MTUS2: variants seen among roughly 807,000 people sequenced by gnomAD.
MTUS2 encodes microtubule-associated tumor suppressor candidate 2.
In MTUS2, 40 loss-of-function variants were observed where a neutral mutation model predicts 114.1. The ratio of observed to expected loss-of-function variants is 0.35; its 90% CI spans 0.27 to 0.46. The LOEUF (loss-of-function observed/expected upper bound fraction) is 0.46. MTUS2 is among the 20% of genes least tolerant of loss of function. The pLI is 1.00. For synonymous variants in MTUS2, 688 were observed against 672.0 expected, an observed-to-expected ratio of 1.02 and a Z score of -0.37; for missense variants, 1,679 against 1,705.4, an observed-to-expected ratio of 0.98 and a Z score of 0.27.
At chr13:29,449,295 GCA>G (rs1878517024) in intron 9 of MTUS2, among the ~76,000 whole-genome samples, 1 of 4,038 alleles carries the variant, frequency 2.5e-4, no homozygotes, top group Non-Finnish European at 0.01. Flanking sequence ...TTATTAACTA[GCA>G]TGCATTTTTC....
chr13:29,200,596 C>G (rs889673272), intron 5 of MTUS2, among the ~76,000 whole-genome samples: 1 of 138,370 alleles, frequency 7.2e-6, no homozygotes, highest in Non-Finnish European at 1.5e-5. Context: ...TCTCAGCTCA[C>G]TGCACCCTCC....
intron 2 of MTUS2, among the ~76,000 whole-genome samples, chr13:28,851,767 G>A (rs997895907): frequency 2.1e-4 from 13 of 60,694 alleles, no homozygotes; most frequent in Non-Finnish European, 5.1e-4. Context: ...GTCAGTTTCC[G>A]CCCCGGCCCT....
At chr13:28,829,662 T>C (rs1001223256) in intron 1 of MTUS2, among the ~76,000 whole-genome samples, 3 of 152,324 alleles carry the variant, frequency 2.0e-5, no homozygotes, top group Non-Finnish European at 4.4e-5. Flanking sequence ...CTTAAAAAAC[T>C]CCATTCTCAA....
At chr13:29,205,301 C>T (rs376477014) in intron 5 of MTUS2, among the ~76,000 whole-genome samples, 72 of 152,310 alleles carry the variant, frequency 4.7e-4, no homozygotes, top group African/African-American at 1.6e-3. Context: ...TTAGCACAGG[C>T]AATGTTGATT....
chr13:29,030,403 C>G (rs539638619), intron 3 of MTUS2, among the ~76,000 whole-genome samples: 1 of 152,202 alleles, frequency 6.6e-6, no homozygotes, highest in Non-Finnish European at 1.5e-5. Flanking sequence ...GTTTCCCTCC[C>G]TGTATCTGGG....
chr13:29,116,140 A>G (rs1480590246), intron 5 of MTUS2, among the ~76,000 whole-genome samples: 1 of 152,174 alleles, frequency 6.6e-6, no homozygotes, highest in Non-Finnish European at 1.5e-5. Context: ...CATGTTCTCT[A>G]TTGTGCTAGG....
chr13:29,458,833 A>G (rs1879290929), intron 9 of MTUS2, among the ~76,000 whole-genome samples: 1 of 152,198 alleles, frequency 6.6e-6, no homozygotes, highest in Non-Finnish European at 1.5e-5. Context: ...AAACCCCCAA[A>G]CATAATGAAA....
intron 6 of MTUS2, among the ~76,000 whole-genome samples, chr13:29,321,061 G>C (rs1283027820): frequency 1.3e-5 from 2 of 152,202 alleles, no homozygotes; most frequent in Non-Finnish European, 2.9e-5. Context: ...TAGATAAGCA[G>C]TAATGTCTAT....
intron 13 of MTUS2, 78 bp downstream of exon 13, chr13:29,497,414 G>A (rs932654401): frequency 1.9e-5 from 25 of 1,298,870 alleles, no homozygotes; most frequent in Non-Finnish European, 2.6e-5. Flanking sequence ...CAGCAGTCTC[G>A]TCCCAAGACA....
At chr13:29,435,702 T>C (rs1402818046) in intron 8 of MTUS2, among the ~76,000 whole-genome samples, 1 of 152,248 alleles carries the variant, frequency 6.6e-6, no homozygotes, top group Non-Finnish European at 1.5e-5. Flanking sequence ...AGGGTGGTAC[T>C]ACGTCATTCT....
At chr13:29,218,215 C>A (rs1188388518) in intron 5 of MTUS2, among the ~76,000 whole-genome samples, 1 of 152,130 alleles carries the variant, frequency 6.6e-6, no homozygotes, top group Non-Finnish European at 1.5e-5. Flanking sequence ...TATTCAATTT[C>A]ATGAAACCAC....
At chr13:29,500,792 AACAC>A (rs3066073) in intron 14 of MTUS2, among the ~76,000 whole-genome samples, 11,188 of 144,194 alleles carry the variant, frequency 0.078, 513 homozygotes, top group African/African-American at 0.13. Flanking sequence ...TTACATCAGA[AACAC>A]ACACACACAC....
chr13:29,209,287 AC>A (rs1895322163), intron 5 of MTUS2, among the ~76,000 whole-genome samples: 2 of 151,960 alleles, frequency 1.3e-5, no homozygotes, highest in African/African-American at 4.8e-5. Context: ...ATCTTTTTCC[AC>A]CCCCTACCTT....
Position 29,025,630 on chromosome 13 carries a change from A to T in MTUS2, c.932A>T (p.Asp311Val). 1.2e-6 allele frequency: 2 copies of T among 1,614,040 alleles called. No individual in the cohort carries two copies. Among genetic ancestry groups the T allele is most frequent in the Non-Finnish European group, 1.7e-6 (2 of 1,179,892 alleles). ...LGQGKGEAKLDLKYVPPRRVE... is the reference protein window; with the variant it reads ...LGQGKGEAKLVLKYVPPRRVE... ...CAGGGAAAGGGAGAGGCCAAGCTGG[A>T]TCTGAAATATGTTCCTCCCAGGAGA... The change falls in exon 3 of 16, where the codon GAT (aspartate) becomes GTT (valine). Residue 311 changes from aspartate (D) to valine (V), a missense_variant. Physicochemically the swap from Asp to Val is radical, Grantham distance 152. Around this residue, in one of 3 missense-constraint regions of MTUS2, gnomAD observed 843 missense variants for 770.8 expected, o/e 1.09. Coordinates refer to ENST00000612955, the MANE Select transcript of MTUS2 (RefSeq NM_001033602.4).
intron 2 of MTUS2, among the ~76,000 whole-genome samples, chr13:28,919,205 TTTTC>T (rs1195111643): frequency 6.6e-6 from 1 of 152,172 alleles, no homozygotes; most frequent in African/African-American, 2.4e-5. Flanking sequence ...ATTAATGTCT[TTTTC>T]TTTCAGATTG....
At chr13:29,211,560 C>T (rs1207049173) in intron 5 of MTUS2, among the ~76,000 whole-genome samples, 1 of 152,226 alleles carries the variant, frequency 6.6e-6, no homozygotes, top group East Asian at 1.9e-4. Context: ...CACCCCTCCC[C>T]AAGAACTCCT....
chr13:29,024,114 A>G (rs902488855), intron 2 of MTUS2, among the ~76,000 whole-genome samples: 1 of 152,200 alleles, frequency 6.6e-6, no homozygotes, highest in African/African-American at 2.4e-5. Flanking sequence ...TGATTTTTCA[A>G]ATTCTATAAT....
At chr13:29,344,360 G>A (rs1868457807) in intron 7 of MTUS2, among the ~76,000 whole-genome samples, 1 of 152,066 alleles carries the variant, frequency 6.6e-6, no homozygotes, top group South Asian at 2.1e-4. Context: ...ATTTAGGGTT[G>A]TGATATTTTC....
At chr13:29,170,942 GCTTA>G (rs1893530845) in intron 5 of MTUS2, among the ~76,000 whole-genome samples, 2 of 152,178 alleles carry the variant, frequency 1.3e-5, no homozygotes, top group South Asian at 4.1e-4. Flanking sequence ...AGGGAGTGTG[GCTTA>G]CTATTTCATG....
Sources: gnomAD v4.1 joint callset for allele counts (sites outside exome capture counted in the v4.1 genomes callset) on GRCh38, gnomAD v4.1.1 for gene constraint, gnomAD v4.1.1 regional missense constraint, MANE v1.5 for transcripts, NCBI Gene and HGNC (gene_info 2026-07-23, HGNC 2026-07-21) for gene names.